TTC29: variants seen among roughly 807,000 people sequenced by gnomAD.
TTC29 encodes the protein tetratricopeptide repeat domain 29.
Under a neutral mutation model 58.1 loss-of-function variants are expected in TTC29, and 49 were observed. That is an observed-to-expected ratio of 0.84 (90% CI 0.67 to 1.07). The LOEUF (loss-of-function observed/expected upper bound fraction) is 1.07, where lower values mean the gene tolerates loss of function less well. Ranked by LOEUF, TTC29 falls within the 50% of genes least tolerant of loss-of-function variation. The pLI is 0.00. For synonymous variants in TTC29, 209 were observed against 196.8 expected (o/e 1.06, Z -0.52); for missense variants, 582 against 555.6 (o/e 1.05, Z -0.48).
chr4:146,714,077 A>G (rs1394509340), intron 11 of TTC29, among the ~76,000 whole-genome samples: 3 of 152,182 alleles, frequency 2.0e-5, no homozygotes, highest in African/African-American at 4.8e-5. Context: ...TACCCAAAAA[A>G]TCCTGAACAA....
intron 11 of TTC29, among the ~76,000 whole-genome samples, chr4:146,751,628 TA>T (rs1385098327): frequency 1.3e-5 from 2 of 152,044 alleles, no homozygotes; most frequent in African/African-American, 2.4e-5. Context: ...AAAGGGTAAT[TA>T]AAAATACGCC....
chr4:146,865,094 C>T (rs1579859869), intron 8 of TTC29, among the ~76,000 whole-genome samples: 1 of 152,124 alleles, frequency 6.6e-6, no homozygotes, highest in Non-Finnish European at 1.5e-5. Context: ...TTCAGAGAAA[C>T]AATTTCAATA....
intron 11 of TTC29, among the ~76,000 whole-genome samples, chr4:146,749,055 T>G (rs899775351): frequency 6.6e-6 from 1 of 152,070 alleles, no homozygotes; most frequent in Non-Finnish European, 1.5e-5. Context: ...TGGTGGCTCA[T>G]GCCTGTAATC....
At chr4:146,940,933 G>A (rs956266511) in intron 2 of TTC29, among the ~76,000 whole-genome samples, 1 of 152,210 alleles carries the variant, frequency 6.6e-6, no homozygotes, top group African/African-American at 2.4e-5. Flanking sequence ...ATTGATAGGA[G>A]AGTGTCAAAG....
chr4:146,766,793 G>T (rs1230708126), intron 11 of TTC29, among the ~76,000 whole-genome samples: 4 of 152,030 alleles, frequency 2.6e-5, no homozygotes, highest in Admixed American at 6.6e-5. Flanking sequence ...AGAAAATGCA[G>T]CCCCTAGGTA....
At chr4:146,824,770 A>G (rs1230163391) in intron 9 of TTC29, among the ~76,000 whole-genome samples, 2 of 152,120 alleles carry the variant, frequency 1.3e-5, no homozygotes, top group African/African-American at 4.8e-5. Context: ...TTACTGCCGC[A>G]ATTTCAGAGC....
At chr4:146,861,702 A>C (rs1341078315) in intron 8 of TTC29, among the ~76,000 whole-genome samples, 1 of 152,162 alleles carries the variant, frequency 6.6e-6, no homozygotes, top group African/African-American at 2.4e-5. Flanking sequence ...ACATTAGCAA[A>C]ATTTCAAAAT....
At chr4:146,898,996 G>A (rs1378175701) in intron 6 of TTC29, among the ~76,000 whole-genome samples, 1 of 152,182 alleles carries the variant, frequency 6.6e-6, no homozygotes. Flanking sequence ...GCTCATCATG[G>A]GGAAGCGGAA....
chr4:146,912,812 C>T (rs1366116900), intron 4 of TTC29, among the ~76,000 whole-genome samples: 2 of 151,806 alleles, frequency 1.3e-5, no homozygotes, highest in African/African-American at 4.8e-5. Context: ...CAGGGTAAAG[C>T]TGGAAGGATA....
At position 146,939,855 on chromosome 4, in the gene TTC29, A is replaced by C. The variant is rs541894936; in HGVS notation, c.41T>G (p.Leu14Arg). 1.7e-5 allele frequency: 28 copies of C among 1,613,300 alleles called. No homozygotes were observed. The highest frequency in any genetic ancestry group is 2.4e-5 in the Non-Finnish European group (28 of 1,179,678). ...LPPLPMTRPK[L>R]TALARQKLPC... is the part of the protein sequence containing the mutation. ...CAGCTTCTGTCTGGCTAAGGCTGTA[A>C]GCTTCGGGCGTGTCATGGGCAGTGG... Residue 14 changes from leucine (L) to arginine (R), a missense_variant, in exon 3 of 13, where the codon CTT (leucine) becomes CGT (arginine). Leu to Arg is a moderately radical substitution (Grantham distance 102). Transcript: ENST00000325106.
At chr4:146,938,922 A>C (rs1356324924) in intron 3 of TTC29, among the ~76,000 whole-genome samples, 1 of 152,240 alleles carries the variant, frequency 6.6e-6, no homozygotes, top group East Asian at 1.9e-4. Context: ...AAAATAGCAC[A>C]ATCAGTTAAT....
intron 11 of TTC29, among the ~76,000 whole-genome samples, chr4:146,797,973 T>C (rs1579696811): frequency 6.6e-6 from 1 of 151,840 alleles, no homozygotes; most frequent in Non-Finnish European, 1.5e-5. Context: ...TTTTTTTCAG[T>C]ATTTTTTCAC....
chr4:146,869,107 A>C (rs1384397109), intron 7 of TTC29, among the ~76,000 whole-genome samples: 2 of 151,772 alleles, frequency 1.3e-5, no homozygotes, highest in Non-Finnish European at 2.9e-5. Flanking sequence ...TAAAAAAAAA[A>C]AAAAAAAAAA....
intron 4 of TTC29, among the ~76,000 whole-genome samples, chr4:146,918,447 A>G (rs1579982330): frequency 6.6e-6 from 1 of 151,298 alleles, no homozygotes; most frequent in East Asian, 1.9e-4. Flanking sequence ...TTTAGAAGTT[A>G]TGAAATATTT....
chr4:146,742,368 A>G (rs1745216761), intron 11 of TTC29, among the ~76,000 whole-genome samples: 1 of 152,164 alleles, frequency 6.6e-6, no homozygotes, highest in Non-Finnish European at 1.5e-5. Flanking sequence ...GGGGGCTAAC[A>G]AAGAACTCTA....
At chr4:146,799,481 C>G (rs1750059176) in intron 11 of TTC29, among the ~76,000 whole-genome samples, 1 of 152,234 alleles carries the variant, frequency 6.6e-6, no homozygotes, top group African/African-American at 2.4e-5. Context: ...ATTAAGCCAA[C>G]ATAAACCAAG....
chr4:146,732,410 A>C (rs893084324), intron 11 of TTC29, among the ~76,000 whole-genome samples: 2 of 152,176 alleles, frequency 1.3e-5, no homozygotes, highest in Non-Finnish European at 2.9e-5. Context: ...TATGAACACT[A>C]GACAGAAATA....
intron 5 of TTC29, among the ~76,000 whole-genome samples, chr4:146,906,928 C>G (rs1011790089): frequency 3.3e-5 from 5 of 152,132 alleles, no homozygotes; most frequent in African/African-American, 1.2e-4. Context: ...TCGAGACCAG[C>G]CTGGCCAACA....
intron 11 of TTC29, among the ~76,000 whole-genome samples, chr4:146,760,905 A>T (rs1482384436): frequency 1.3e-5 from 2 of 150,784 alleles, no homozygotes; most frequent in African/African-American, 4.9e-5. Context: ...CACAGCCATA[A>T]AAAGGAATGA....
Sources: gnomAD v4.1 joint callset for allele counts (sites outside exome capture counted in the v4.1 genomes callset) on GRCh38, gnomAD v4.1.1 for gene constraint, MANE v1.5 for transcripts, NCBI Gene and HGNC (gene_info 2026-07-23, HGNC 2026-07-21) for gene names.